Variants in MAGI1 observed in about 807,000 individuals in gnomAD.
The protein encoded by MAGI1 is membrane associated guanylate kinase, WW and PDZ domain containing 1.
A neutral mutation model predicts 139.9 loss-of-function variants in MAGI1; 58 were observed. That is an observed-to-expected ratio of 0.41 (90% CI 0.34 to 0.52). MAGI1 has a LOEUF of 0.52. Ranked by LOEUF, MAGI1 falls within the 20% of genes least tolerant of loss-of-function variation. The pLI, the probability that MAGI1 is intolerant of heterozygous loss-of-function variation, is 0.12. For synonymous variants in MAGI1, 812 were observed against 737.9 expected (o/e 1.10, Z -1.63); for missense variants, 1,874 against 1,901.6 (o/e 0.99, Z 0.27).
chr3:65,451,554 C>T (rs766763508), intron 6 of MAGI1, among the ~76,000 whole-genome samples: 1 of 152,244 alleles, frequency 6.6e-6, no homozygotes, highest in Non-Finnish European at 1.5e-5. Context: ...ATTCCTAATC[C>T]GAAAATCCAA....
intron 1 of MAGI1, among the ~76,000 whole-genome samples, chr3:65,938,548 C>T (rs1483986015): frequency 6.6e-6 from 1 of 151,884 alleles, no homozygotes; most frequent in Non-Finnish European, 1.5e-5. Context: ...TGACAACCTC[C>T]CTACTCGCCA....
At chr3:65,871,472 G>C (rs922073153) in intron 1 of MAGI1, among the ~76,000 whole-genome samples, 1 of 152,178 alleles carries the variant, frequency 6.6e-6, no homozygotes, top group South Asian at 2.1e-4. Context: ...AAGCAAATTT[G>C]GGAATTGCTG....
At chr3:65,990,452 T>C (rs563121421) in intron 1 of MAGI1, among the ~76,000 whole-genome samples, 1 of 152,320 alleles carries the variant, frequency 6.6e-6, no homozygotes, top group East Asian at 1.9e-4. Context: ...ACTCTCCTTG[T>C]TTAGCCGAAG....
At chr3:65,709,961 G>A (rs1679735750) in intron 1 of MAGI1, among the ~76,000 whole-genome samples, 1 of 152,158 alleles carries the variant, frequency 6.6e-6, no homozygotes, top group African/African-American at 2.4e-5. Flanking sequence ...CCAAACCAGT[G>A]ACCTTACAAT....
At chr3:65,919,879 C>T (rs2062090844) in intron 1 of MAGI1, among the ~76,000 whole-genome samples, 1 of 152,196 alleles carries the variant, frequency 6.6e-6, no homozygotes, top group Admixed American at 6.5e-5. Flanking sequence ...ACATCACAGA[C>T]CTTCCATCAT....
intron 3 of MAGI1, among the ~76,000 whole-genome samples, chr3:65,488,224 A>G (rs73832884): frequency 0.018 from 2,727 of 152,272 alleles, 81 homozygotes; most frequent in African/African-American, 0.06. Context: ...CTGACCTAAC[A>G]CAGTCCTCTC....
intron 2 of MAGI1, chr3:65,609,854 G>C (rs913263299): frequency 3.5e-5 from 8 of 230,698 alleles, no homozygotes; most frequent in Non-Finnish European, 7.5e-5. Flanking sequence ...TGGGATTATA[G>C]GCTTGAGCCA....
At chr3:65,656,774 G>GGC (rs2085899092) in intron 1 of MAGI1, among the ~76,000 whole-genome samples, 1 of 151,800 alleles carries the variant, frequency 6.6e-6, no homozygotes, top group Non-Finnish European at 1.5e-5. Context: ...CAAGTGGGCA[G>GGC]ATCATTTGAG....
intron 1 of MAGI1, among the ~76,000 whole-genome samples, chr3:65,892,856 C>A (rs557397722): frequency 1.8e-4 from 27 of 152,270 alleles, no homozygotes; most frequent in African/African-American, 6.5e-4. Context: ...CACTATTAGA[C>A]CCATTTGACA....
chr3:65,962,222 C>T (rs2064471242), intron 1 of MAGI1, among the ~76,000 whole-genome samples: 1 of 151,070 alleles, frequency 6.6e-6, no homozygotes, highest in African/African-American at 2.4e-5. Flanking sequence ...GTGGTTCACG[C>T]CATTCTCCTA....
chr3:65,388,265 T>C (rs1943607795), intron 14 of MAGI1, among the ~76,000 whole-genome samples: 1 of 152,208 alleles, frequency 6.6e-6, no homozygotes. Context: ...AAGGAATGCG[T>C]TCACAGATTG....
At chr3:65,898,749 G>A (rs1319978591) in intron 1 of MAGI1, among the ~76,000 whole-genome samples, 1 of 152,074 alleles carries the variant, frequency 6.6e-6, no homozygotes, top group Non-Finnish European at 1.5e-5. Context: ...GGAAAATATT[G>A]AACATTCCCA....
At chr3:65,581,338 C>T (rs986711861) in intron 2 of MAGI1, among the ~76,000 whole-genome samples, 2 of 151,704 alleles carry the variant, frequency 1.3e-5, no homozygotes, top group Non-Finnish European at 2.9e-5. Context: ...TTTTACTGTC[C>T]AGTAAAAAGG....
At chr3:65,702,266 G>A (rs1274817979) in intron 1 of MAGI1, among the ~76,000 whole-genome samples, 1 of 152,096 alleles carries the variant, frequency 6.6e-6, no homozygotes, top group Non-Finnish European at 1.5e-5. Flanking sequence ...TAGCCACCCT[G>A]CTTCTTTAAA....
chr3:65,398,032 G>T (rs1247011591), intron 13 of MAGI1, among the ~76,000 whole-genome samples: 1 of 151,150 alleles, frequency 6.6e-6, no homozygotes, highest in Non-Finnish European at 1.5e-5. Context: ...TTTTTGCAAG[G>T]AGCAATCAAT....
At chr3:65,890,814 A>T (rs1042732337) in intron 1 of MAGI1, among the ~76,000 whole-genome samples, 1 of 152,116 alleles carries the variant, frequency 6.6e-6, no homozygotes, top group Non-Finnish European at 1.5e-5. Context: ...CATTGATTGA[A>T]CTCCTCCTAT....
intron 1 of MAGI1, chr3:65,873,954 A>G (rs1271665679): frequency 2.0e-5 from 3 of 152,172 alleles, no homozygotes; most frequent in African/African-American, 4.8e-5. Flanking sequence ...GAAAAAAAAT[A>G]GATAAAAGTT....
chr3:65,405,489 C>G (rs4420811), intron 12 of MAGI1, among the ~76,000 whole-genome samples: 1 of 151,982 alleles, frequency 6.6e-6, no homozygotes, highest in Non-Finnish European at 1.5e-5. Context: ...TGGGATTATG[C>G]GTGGCTTTAT....
intron 22 of MAGI1, 32 bp downstream of exon 22, chr3:65,361,167 G>A (rs1263204253): frequency 2.5e-6 from 4 of 1,614,010 alleles, no homozygotes; most frequent in Non-Finnish European, 3.4e-6. Flanking sequence ...TCATGCCAGG[G>A]AAGGAAGGAA....
Sources: gnomAD v4.1 joint callset for allele counts (sites outside exome capture counted in the v4.1 genomes callset) on GRCh38, gnomAD v4.1.1 for gene constraint, MANE v1.5 for transcripts, NCBI Gene and HGNC (gene_info 2026-07-23, HGNC 2026-07-21) for gene names.